Variants in SAMSN1 observed in about 807,000 individuals in gnomAD.
The protein encoded by SAMSN1 is SAM domain, SH3 domain and nuclear localization signals 1, also known as SAM domain-containing protein SAMSN-1.
A neutral mutation model predicts 42.0 loss-of-function variants in SAMSN1; 31 were observed. The observed-to-expected ratio is 0.74, with a 90% CI of 0.55 to 1.00. The LOEUF is 1.00. SAMSN1 is among the 50% of genes least tolerant of loss of function. SAMSN1 has a pLI of 0.00. For missense variants in SAMSN1, 464 were observed against 439.4 expected (o/e 1.06, Z -0.50); for synonymous variants, 178 against 151.9 (o/e 1.17, Z -1.26).
intron 1 of SAMSN1, among the ~76,000 whole-genome samples, chr21:14,532,400 T>C (rs376010850): frequency 3.3e-5 from 5 of 152,118 alleles, no homozygotes; most frequent in Admixed American, 2.6e-4. Context: ...TCATCCCAAA[T>C]AGAGGAAGAA....
In SAMSN1 at chr21:14,546,199, C is replaced by T. The variant is rs1980378181; in HGVS notation, c.57+6G>A. ...TTTTATTTAACTATGTATGAAATCA[C>T]CTTACCTTTGGTTTTTGATGTTTCT... On this transcript the variant is annotated splice_donor_region_variant and intron_variant, in intron 1 of 7. Transcript: ENST00000400566. 1.9e-6 allele frequency: 3 copies of T among 1,611,106 alleles called. No individual in the cohort carries two copies. In the South Asian group the frequency reaches 3.3e-5, roughly 18 times the overall value.
intron 1 of SAMSN1, among the ~76,000 whole-genome samples, chr21:14,652,203 A>G (rs1036290652): frequency 6.6e-6 from 1 of 152,200 alleles, no homozygotes; most frequent in African/African-American, 2.4e-5. Context: ...TAAAATTTAT[A>G]TGGGACCACA....
Position 14,521,157 on chromosome 21 carries a change from G to T in SAMSN1, c.122C>A (p.Ser41Ter). Residue 41 changes from serine (S) to a stop codon, truncating the protein, a stop_gained, in exon 2 of 8, where the codon TCA (serine) becomes TAA (stop). Transcript: ENST00000400566. LOFTEE classifies it high-confidence loss of function. ...ATGGAATAAACTACGAACCTCAGTT[G>T]AATCATCTGGTTTTGATAAAGAATT... ...RNNSLSKPDD[S>*]TEAHEGDPTN... The T allele has an allele frequency of 6.2e-7, 1 of 1,602,276 alleles. No individual in the cohort carries two copies. Among genetic ancestry groups the T allele is most frequent in the Non-Finnish European group, 8.5e-7 (1 of 1,171,162 alleles).
rs1374179464 is a variant in SAMSN1 at position 14,577,273 on chromosome 21, TATATATA to T, written c.261+4856_261+4862del. Among the ~76,000 whole-genome samples the T allele has an allele frequency of 5.4e-3, 291 of 54,184 alleles. 13 individuals are homozygous for T. Among genetic ancestry groups the T allele is most frequent in the Non-Finnish European group, 7.2e-3 (217 of 30,172 alleles). The allele number at this position is 54,184 out of a possible 152,430, so 35.5% of individuals were successfully genotyped here. A position where few individuals can be genotyped will look rare whatever the true frequency, so the allele number is the denominator to read the frequency against. ...ATATATATATATATATATATATATA[TATATATA>T]TATATTTTTTTTTTAGAAGAGACAG... On this transcript the variant is annotated intron_variant, in intron 2 of 8. Transcript: ENST00000285670.
At chr21:14,534,255 A>G (rs542379805) in intron 1 of SAMSN1, among the ~76,000 whole-genome samples, 6 of 152,296 alleles carry the variant, frequency 3.9e-5, no homozygotes, top group South Asian at 2.1e-4. Context: ...TATACTATCA[A>G]TGTTTTCAGT....
intron 2 of SAMSN1, among the ~76,000 whole-genome samples, chr21:14,637,175 A>G (rs1411183469): frequency 1.3e-5 from 2 of 152,206 alleles, no homozygotes; most frequent in Non-Finnish European, 2.9e-5. Context: ...ATTTAATTTA[A>G]TTTTAATTTT....
In SAMSN1 at chr21:14,485,382, C is replaced by T. The variant is rs1348342546; in HGVS notation, c.*530G>A. 1 of 152,278 alleles carries T rather than the reference C, an allele frequency of 6.6e-6. No homozygotes were observed. Among genetic ancestry groups the T allele is most frequent in the Non-Finnish European group, 1.5e-5 (1 of 68,136 alleles). The allele number at this position is 152,278 out of a possible 1,614,324, so 9.4% of individuals were successfully genotyped here. On this transcript the variant is annotated 3_prime_UTR_variant, in exon 8 of 8. Transcript: ENST00000400566. ...TTATCTCTACTTTTATACCAGAAAA[C>T]AAAATGAAGAAATCAACAAAATATA...
chr21:14,489,318 C>T (rs984382926), intron 7 of SAMSN1, among the ~76,000 whole-genome samples: 1 of 152,096 alleles, frequency 6.6e-6, no homozygotes, highest in East Asian at 1.9e-4. Flanking sequence ...TATACTAAAA[C>T]GTTTCTGATA....
At chr21:14,583,456 A>G (rs540418714), upstream of SAMSN1, 20 of 525,126 alleles carry the variant, frequency 3.8e-5, no homozygotes, top group Middle Eastern at 5.0e-4. Context: ...GCAAGGAGAA[A>G]CGGGGCGGTG....
chr21:14,554,109 T>C (rs1241532755), intron 2 of SAMSN1, among the ~76,000 whole-genome samples: 1 of 152,202 alleles, frequency 6.6e-6, no homozygotes, highest in Non-Finnish European at 1.5e-5. Context: ...ATACAATAAA[T>C]ATTTTACTTT....
chr21:14,594,167 A>G (rs1982178465), intron 6 of SAMSN1: 1 of 614,256 alleles, frequency 1.6e-6, no homozygotes, highest in South Asian at 1.9e-5. Flanking sequence ...TACCAAACTA[A>G]TTGGGAAAGG....
chr21:14,550,956 AATG>A (rs1980575008), upstream of SAMSN1, among the ~76,000 whole-genome samples: 1 of 152,124 alleles, frequency 6.6e-6, no homozygotes, highest in African/African-American at 2.4e-5. Flanking sequence ...TCTATGCATA[AATG>A]ATGATTTGGC....
rs576917406 is a variant in SAMSN1, at chr21:14,570,163, C to T, written c.261+11973G>A. Reference sequence around the variant, plus strand: ...TTTCTTGCCAAATCATTCAGAATGCCGCAAATCCATTAAATCTCTCCACAG... The same window carrying T: ...TTTCTTGCCAAATCATTCAGAATGCTGCAAATCCATTAAATCTCTCCACAG... On this transcript the variant is annotated intron_variant, in intron 2 of 8. Coordinates refer to the SAMSN1 transcript ENST00000285670. Among the ~76,000 whole-genome samples the T allele has an allele frequency of 2.8e-4, 42 of 152,178 alleles. No homozygotes were observed. In the Middle Eastern group the frequency reaches 0.01, roughly 37 times the overall value.
intron 5 of SAMSN1, among the ~76,000 whole-genome samples, chr21:14,506,680 C>T (rs57363319): frequency 0.063 from 9,608 of 152,168 alleles, 931 homozygotes; most frequent in African/African-American, 0.21. Context: ...GGAACCCTCC[C>T]TACATCATTC....
intron 7 of SAMSN1, 48 bp downstream of exon 7, chr21:14,498,394 C>T (rs939726702): frequency 4.5e-5 from 69 of 1,522,614 alleles, no homozygotes; most frequent in Non-Finnish European, 5.6e-5. Flanking sequence ...ATACTATTTA[C>T]ATTAAACTGA....
At chr21:14,642,862 G>C in intron 2 of SAMSN1, 2 of 567,684 alleles carry the variant, frequency 3.5e-6, no homozygotes, top group Non-Finnish European at 6.4e-6. Flanking sequence ...CAACAAGAAA[G>C]AGAAAAGCAG....
intron 2 of SAMSN1, among the ~76,000 whole-genome samples, chr21:14,572,884 G>C (rs1258079862): frequency 1.3e-5 from 2 of 152,104 alleles, no homozygotes; most frequent in Non-Finnish European, 2.9e-5. Context: ...ATTATATGTA[G>C]ATTTCAGCTT....
rs183533418 is a variant in SAMSN1 at position 14,564,219 on chromosome 21, T to A, written c.261+17917A>T. 2.4e-3 allele frequency among the ~76,000 whole-genome samples: 366 copies of A among 152,316 alleles called. 3 individuals carry two copies. Among genetic ancestry groups the A allele is most frequent in the Admixed American group, 2.9e-3 (45 of 15,282 alleles). On this transcript the variant is annotated intron_variant, in intron 2 of 8. Coordinates refer to the SAMSN1 transcript ENST00000285670. The stretch of plus-strand genomic sequence containing the variant: ...CATACTGACTTGAAGAAGGGTTTTA[T>A]GGAGACGCCGATGGAGAATATGGAT...
At chr21:14,642,437 T>G (rs1983618282) in intron 2 of SAMSN1, among the ~76,000 whole-genome samples, 1 of 152,236 alleles carries the variant, frequency 6.6e-6, no homozygotes, top group Admixed American at 6.5e-5. Flanking sequence ...GCATAAACTT[T>G]GAAAGCAGCC....
Sources: allele counts gnomAD v4.1 joint callset (sites outside exome capture counted in the v4.1 genomes callset), GRCh38; gene constraint gnomAD v4.1.1; transcripts MANE v1.5; gene names NCBI Gene and HGNC (gene_info 2026-07-23, HGNC 2026-07-21).